SLCO3A1: variants seen among roughly 807,000 people sequenced by gnomAD.
The protein encoded by SLCO3A1 is PGE1 transporter.
Under a neutral mutation model 63.1 loss-of-function variants are expected in SLCO3A1, and 27 were observed. That is an observed-to-expected ratio of 0.43 (90% CI 0.32 to 0.59). The LOEUF is 0.59. Ranked by LOEUF, SLCO3A1 falls within the 20% of genes least tolerant of loss-of-function variation. SLCO3A1 has a pLI of 0.09. For missense variants in SLCO3A1, 773 were observed against 945.8 expected, an observed-to-expected ratio of 0.82 and a Z score of 2.40; for synonymous variants, 473 against 409.9, an observed-to-expected ratio of 1.15 and a Z score of -1.86.
At chr15:91,927,516 G>A (rs147984687) in intron 2 of SLCO3A1, among the ~76,000 whole-genome samples, 37 of 152,270 alleles carry the variant, frequency 2.4e-4, no homozygotes, top group Admixed American at 1.9e-3. Flanking sequence ...CCTTTTATGG[G>A]ATAGTTGGTG....
At chr15:92,034,358 G>GGGTGCTGAGCTT (rs60178869) in intron 2 of SLCO3A1, among the ~76,000 whole-genome samples, 1 of 150,960 alleles carries the variant, frequency 6.6e-6, no homozygotes, top group Non-Finnish European at 1.5e-5. Flanking sequence ...GCTGGGGTGG[G>GGGTGCTGAGCTT]GTGTTTGGAT....
At chr15:92,105,575 CAAGG>C (rs2047658053) in intron 4 of SLCO3A1, among the ~76,000 whole-genome samples, 1 of 152,290 alleles carries the variant, frequency 6.6e-6, no homozygotes, top group East Asian at 1.9e-4. Flanking sequence ...AGGAAAATGA[CAAGG>C]AGCTGAATGT....
chr15:92,137,154 T>C (rs2048069715), intron 7 of SLCO3A1, among the ~76,000 whole-genome samples: 1 of 139,364 alleles, frequency 7.2e-6, no homozygotes, highest in South Asian at 2.3e-4. Context: ...CCCCAGAGTG[T>C]GATGTTCCCC....
intron 4 of SLCO3A1, among the ~76,000 whole-genome samples, chr15:92,109,748 G>T (rs2047706645): frequency 6.6e-6 from 1 of 152,086 alleles, no homozygotes; most frequent in Non-Finnish European, 1.5e-5. Context: ...TAGGAGATGA[G>T]TTATGATTTC....
intron 2 of SLCO3A1, among the ~76,000 whole-genome samples, chr15:92,027,612 G>C (rs1746500232): frequency 6.6e-6 from 1 of 152,200 alleles, no homozygotes; most frequent in African/African-American, 2.4e-5. Flanking sequence ...CCCGACGCAT[G>C]CATTAAAGGA....
intron 9 of SLCO3A1, among the ~76,000 whole-genome samples, chr15:92,160,373 C>T (rs2048420963): frequency 1.3e-5 from 2 of 152,010 alleles, no homozygotes; most frequent in Non-Finnish European, 2.9e-5. Flanking sequence ...CCAGTTGGCT[C>T]TTTCAACTGG....
In SLCO3A1 at chr15:91,860,799, C is replaced by T. The variant is rs143191320; in HGVS notation, c.180+6711C>T. Among the ~76,000 whole-genome samples the T allele has an allele frequency of 1.5e-3, 236 of 152,342 alleles. 1 individual carries two copies. Among genetic ancestry groups the T allele is most frequent in the Non-Finnish European group, 2.9e-3 (195 of 68,032 alleles). On this transcript the variant is annotated intron_variant, in intron 1 of 9. Transcript: ENST00000318445. The surrounding 1 kb of genome is among the most constrained non-coding windows in gnomAD (Gnocchi z 5.5). ...CACGTCTTGTCTGCTGCCTTCACCT[C>T]GTGTTCTCTTGCAGTATTAAGTGGA... is the stretch of plus-strand genomic sequence containing the variant.
At chr15:91,969,724 T>G (rs984905394) in intron 2 of SLCO3A1, among the ~76,000 whole-genome samples, 8 of 152,354 alleles carry the variant, frequency 5.3e-5, no homozygotes, top group Admixed American at 1.3e-4. Context: ...TGCTCCCTTG[T>G]TGGGCCTGGC....
chr15:92,023,998 A>G (rs1343868964), intron 2 of SLCO3A1, among the ~76,000 whole-genome samples: 1 of 152,054 alleles, frequency 6.6e-6, no homozygotes, highest in African/African-American at 2.4e-5. Context: ...AGTCCAGTGA[A>G]TCTGTTGGGC....
chr15:92,126,331 G>A, intron 6 of SLCO3A1, 72 bp downstream of exon 6: 1 of 1,318,282 alleles, frequency 7.6e-7, no homozygotes, highest in Non-Finnish European at 1.1e-6. Flanking sequence ...GCAGTAGGTT[G>A]AGGGAACCAG....
At chr15:92,147,422 G>A (rs935883782) in intron 8 of SLCO3A1, among the ~76,000 whole-genome samples, 10 of 152,066 alleles carry the variant, frequency 6.6e-5, no homozygotes, top group Non-Finnish European at 1.5e-4. Flanking sequence ...GTTTTGAAAA[G>A]GATCCTGCAT....
At chr15:91,907,633 C>T (rs1898352728) in intron 1 of SLCO3A1, among the ~76,000 whole-genome samples, 1 of 152,194 alleles carries the variant, frequency 6.6e-6, no homozygotes, top group African/African-American at 2.4e-5. Context: ...GATTCTCCTG[C>T]CTCAGCCTCC....
Position 92,059,216 on chromosome 15 carries a change from G to C in SLCO3A1, c.647-35665G>C, listed in dbSNP as rs1020444285. 9.8e-5 allele frequency among the ~76,000 whole-genome samples: 15 copies of C among 152,306 alleles called. No individual in the cohort carries two copies. In the East Asian group the frequency reaches 2.9e-3, roughly 30 times the overall value. ...CCCTAGGGGGGTGTTTCCTGTCACA[G>C]AGAAAGGCCAAAGCCAGCGTGCTAG... On this transcript the variant is annotated intron_variant, in intron 2 of 9. Coordinates refer to ENST00000318445, the MANE Select transcript of SLCO3A1 (RefSeq NM_013272.4).
intron 2 of SLCO3A1, among the ~76,000 whole-genome samples, chr15:91,929,410 G>A (rs554458010): frequency 1.3e-5 from 2 of 152,326 alleles, no homozygotes; most frequent in African/African-American, 4.8e-5. Flanking sequence ...AGTGAAGAGA[G>A]GGTCTGGAGA....
intron 2 of SLCO3A1, among the ~76,000 whole-genome samples, chr15:91,921,267 C>T (rs904124979): frequency 3.3e-5 from 5 of 152,298 alleles, no homozygotes; most frequent in Admixed American, 1.3e-4. Context: ...CTTACAAGGT[C>T]GCCAGTCACA....
intron 2 of SLCO3A1, among the ~76,000 whole-genome samples, chr15:92,018,496 T>A (rs577520650): frequency 1.8e-4 from 27 of 152,294 alleles, no homozygotes; most frequent in Admixed American, 4.6e-4. Flanking sequence ...CAGGCAGCCA[T>A]CACCTTGTGA....
chr15:92,077,280 CTTCT>C (rs1396478236), intron 2 of SLCO3A1, among the ~76,000 whole-genome samples: 2 of 152,134 alleles, frequency 1.3e-5, no homozygotes, highest in Non-Finnish European at 2.9e-5. Flanking sequence ...GATATGGGTC[CTTCT>C]ATTACCCTGT....
intron 2 of SLCO3A1, among the ~76,000 whole-genome samples, chr15:92,087,515 TA>T (rs1443076682): frequency 1.6e-3 from 222 of 139,008 alleles, no homozygotes; most frequent in African/African-American, 4.6e-3. Context: ...TATTATCTAT[TA>T]TTTTTTTTTT....
chr15:91,915,915 C>T (rs951252333), intron 1 of SLCO3A1, 78 bp from the exon 2 acceptor site: 2 of 1,236,440 alleles, frequency 1.6e-6, no homozygotes, highest in Non-Finnish European at 1.2e-6. Context: ...ATGGGCAGAG[C>T]GCACTGTCAG....
Sources: allele counts gnomAD v4.1 joint callset (sites outside exome capture counted in the v4.1 genomes callset), GRCh38; gene constraint gnomAD v4.1.1; non-coding constraint Gnocchi (gnomAD v3.1); transcripts MANE v1.5; gene names NCBI Gene and HGNC (gene_info 2026-07-23, HGNC 2026-07-21).